Variants in CTNNA3 observed in about 807,000 individuals in gnomAD.
CTNNA3 encodes catenin alpha-3.
CTNNA3 carries 76 observed loss-of-function variants against 95.7 expected under a neutral mutation model. The observed-to-expected ratio is 0.79, with a 90% confidence interval of 0.66 to 0.96. CTNNA3 has a LOEUF of 0.96. CTNNA3 is among the 40% of genes least tolerant of loss of function. The pLI is 0.00. For synonymous variants in CTNNA3, 431 were observed against 374.4 expected (o/e 1.15, Z -1.74); for missense variants, 1,191 against 1,089.8 (o/e 1.09, Z -1.31).
intron 13 of CTNNA3, among the ~76,000 whole-genome samples, chr10:66,192,122 C>T (rs185214311): frequency 1.0e-3 from 159 of 152,210 alleles, no homozygotes; most frequent in African/African-American, 3.8e-3. Flanking sequence ...CTTTGGTATT[C>T]TGTTATAGAC....
rs912878948 is a variant in CTNNA3, at chr10:67,602,776, G to A, written c.292+4081C>T. Among the ~76,000 whole-genome samples, 3 of 152,154 alleles carry A rather than the reference G, an allele frequency of 2.0e-5. No individual in the cohort carries two copies. In the South Asian group the frequency reaches 6.2e-4, roughly 31 times the overall value. Reference sequence around the variant, plus strand: ...TTACCAGACAGTTTATGGAAACTATGTTGTCAAATAGATCACATTTTCCTA... The same window carrying A: ...TTACCAGACAGTTTATGGAAACTATATTGTCAAATAGATCACATTTTCCTA... On this transcript the variant is annotated intron_variant, in intron 3 of 17. Coordinates refer to ENST00000433211, the MANE Select transcript of CTNNA3 (RefSeq NM_013266.4).
chr10:67,522,036 G>A, intron 4 of CTNNA3, 75 bp from the exon 5 acceptor site: 3 of 1,467,288 alleles, frequency 2.0e-6, no homozygotes. Flanking sequence ...CTAACACGAA[G>A]AGTCGATAAT....
intron 6 of CTNNA3, among the ~76,000 whole-genome samples, chr10:67,192,475 A>C (rs1346867202): frequency 6.6e-6 from 1 of 152,046 alleles, no homozygotes; most frequent in Non-Finnish European, 1.5e-5. Context: ...AAAAGAAAAC[A>C]TACAAAAGGC....
intron 9 of CTNNA3, among the ~76,000 whole-genome samples, chr10:66,687,948 A>T (rs10762091): frequency 0.55 from 84,183 of 151,872 alleles, 24,084 homozygotes; most frequent in African/African-American, 0.68. Context: ...TGTGTTGAAG[A>T]TTTTAGATTT....
chr10:66,442,352 GTT>G (rs72110471), intron 11 of CTNNA3, among the ~76,000 whole-genome samples: 2 of 151,326 alleles, frequency 1.3e-5, no homozygotes, highest in South Asian at 2.1e-4. Flanking sequence ...TATGGATTAG[GTT>G]TTTTTTTCCT....
chr10:67,253,839 A>C (rs1254745123), intron 5 of CTNNA3, among the ~76,000 whole-genome samples: 2 of 152,198 alleles, frequency 1.3e-5, no homozygotes, highest in African/African-American at 4.8e-5. Context: ...CAGGAGGCCC[A>C]GAAGGTAATG....
At chr10:66,006,179 AT>A (rs201033425) in intron 15 of CTNNA3, among the ~76,000 whole-genome samples, 1 of 151,544 alleles carries the variant, frequency 6.6e-6, no homozygotes, top group South Asian at 2.1e-4. Context: ...TGCCCGGCTA[AT>A]TTTTTTGTAT....
intron 13 of CTNNA3, among the ~76,000 whole-genome samples, chr10:66,223,097 G>A (rs998678475): frequency 6.6e-6 from 1 of 151,976 alleles, no homozygotes; most frequent in Non-Finnish European, 1.5e-5. Flanking sequence ...TTAACAAAAT[G>A]TTTATAATTT....
At chr10:67,167,859 A>G (rs1861846226) in intron 7 of CTNNA3, among the ~76,000 whole-genome samples, 3 of 152,210 alleles carry the variant, frequency 2.0e-5, no homozygotes, top group Admixed American at 2.0e-4. Context: ...TCGGCCGAGT[A>G]TAGTGGCTCA....
chr10:67,261,620 G>A (rs1033310180), intron 5 of CTNNA3, among the ~76,000 whole-genome samples: 2 of 152,114 alleles, frequency 1.3e-5, no homozygotes, highest in Non-Finnish European at 1.5e-5. Context: ...TATGAATATA[G>A]AGCAACTTTA....
At chr10:66,231,947 G>A (rs1370626571) in intron 13 of CTNNA3, among the ~76,000 whole-genome samples, 1 of 152,092 alleles carries the variant, frequency 6.6e-6, no homozygotes, top group Non-Finnish European at 1.5e-5. Context: ...ATGCTATACT[G>A]CTACTGCTAA....
intron 12 of CTNNA3, among the ~76,000 whole-genome samples, chr10:66,311,874 A>G (rs1193135677): frequency 1.3e-5 from 2 of 152,190 alleles, no homozygotes; most frequent in Non-Finnish European, 2.9e-5. Context: ...ACCCTTACGT[A>G]GATGATAAGA....
chr10:67,319,198 A>G (rs1841200232), intron 5 of CTNNA3, among the ~76,000 whole-genome samples: 1 of 152,194 alleles, frequency 6.6e-6, no homozygotes, highest in East Asian at 1.9e-4. Context: ...TTGCTGGAAA[A>G]TTAAGTGTAT....
At chr10:66,214,447 G>A (rs943217272) in intron 13 of CTNNA3, among the ~76,000 whole-genome samples, 4 of 152,058 alleles carry the variant, frequency 2.6e-5, no homozygotes, top group Admixed American at 6.6e-5. Flanking sequence ...GAATCGTATT[G>A]TCATATTAAA....
At chr10:66,882,953 C>G (rs1844903298) in intron 7 of CTNNA3, among the ~76,000 whole-genome samples, 1 of 151,828 alleles carries the variant, frequency 6.6e-6, no homozygotes, top group African/African-American at 2.4e-5. Context: ...TTTAAAAACC[C>G]CAGATGTGTG....
chr10:66,143,309 T>A (rs970779779), intron 13 of CTNNA3, among the ~76,000 whole-genome samples: 1 of 152,146 alleles, frequency 6.6e-6, no homozygotes, highest in Non-Finnish European at 1.5e-5. Flanking sequence ...GGAGTATACT[T>A]TATAAAATTA....
chr10:66,945,003 T>G (rs1230949766), intron 7 of CTNNA3, among the ~76,000 whole-genome samples: 1 of 152,060 alleles, frequency 6.6e-6, no homozygotes, highest in Non-Finnish European at 1.5e-5. Flanking sequence ...ACAGGCAGAG[T>G]TGATTTAGCA....
At chr10:66,904,639 A>G (rs1589402928) in intron 7 of CTNNA3, among the ~76,000 whole-genome samples, 1 of 152,232 alleles carries the variant, frequency 6.6e-6, no homozygotes, top group East Asian at 1.9e-4. Context: ...GCTTATATCC[A>G]GAATCTACAA....
chr10:66,379,405 T>C (rs372877107), intron 11 of CTNNA3, 53 bp from the exon 12 acceptor site: 3 of 1,395,406 alleles, frequency 2.1e-6, no homozygotes, highest in Non-Finnish European at 2.0e-6. Context: ...TTTAAAATCA[T>C]ACAAATCTAG....
Sources: gnomAD v4.1 joint callset for allele counts (sites outside exome capture counted in the v4.1 genomes callset) on GRCh38, gnomAD v4.1.1 for gene constraint, MANE v1.5 for transcripts, NCBI Gene and HGNC (gene_info 2026-07-23, HGNC 2026-07-21) for gene names.